The following MLXIP variants were observed in gnomAD, a reference collection of about 807,000 sequenced individuals.
MLXIP encodes the protein MLX-interacting protein.
A neutral mutation model predicts 87.2 loss-of-function variants in MLXIP; 30 were observed. The observed-to-expected ratio is 0.34, with a 90% CI of 0.26 to 0.47. The LOEUF (loss-of-function observed/expected upper bound fraction) is 0.47. MLXIP is among the 20% of genes least tolerant of loss of function. MLXIP has a pLI of 1.00. For missense variants in MLXIP, 1,002 were observed against 1,240.1 expected, an observed-to-expected ratio of 0.81 and a Z score of 2.88; for synonymous variants, 530 against 514.0, an observed-to-expected ratio of 1.03 and a Z score of -0.42.
At chr12:122,084,063 CA>C (rs1952129945) in intron 1 of MLXIP, among the ~76,000 whole-genome samples, 1 of 151,408 alleles carries the variant, frequency 6.6e-6, no homozygotes, top group South Asian at 2.1e-4. Flanking sequence ...GGCGTGGGGA[CA>C]GATAGTTATA....
At chr12:122,138,051 C>T in intron 12 of MLXIP, 143 bp from the exon 13 acceptor site, 1 of 670,430 alleles carries the variant, frequency 1.5e-6, no homozygotes, top group South Asian at 2.0e-5. Flanking sequence ...CTCATTGGAG[C>T]CTTCAGCTTC....
At chr12:122,141,220 G>A in intron 16 of MLXIP, 137 bp downstream of exon 16, 1 of 1,303,182 alleles carries the variant, frequency 7.7e-7, no homozygotes. Context: ...TGCTGTCCAG[G>A]AGGTCCTCAG....
At position 122,144,922 on chromosome 12, in the gene MLXIP, AAG is replaced by A. The variant is rs1426407905; in HGVS notation, c.*3112_*3113del. 3 of 152,246 alleles carry A rather than the reference AAG, an allele frequency of 2.0e-5. No homozygotes were observed. Among genetic ancestry groups the A allele is most frequent in the Non-Finnish European group, 2.9e-5 (2 of 68,110 alleles). The allele number at this position is 152,246 out of a possible 1,614,324, so 9.4% of individuals were successfully genotyped here. On this transcript the variant is annotated 3_prime_UTR_variant, in exon 17 of 17. Transcript: ENST00000319080. ...AGAAGAAAAAAATAGAAAATCCAAA[AAG>A]AAAAACCAGAAGGCCTGCTGGCGTA...
At chr12:122,127,996 A>C in intron 3 of MLXIP, 28 bp downstream of exon 3, 1 of 1,596,128 alleles carries the variant, frequency 6.3e-7, no homozygotes, top group Non-Finnish European at 8.6e-7. Context: ...AGGGTGGCTG[A>C]GAGTGGAAAC....
At chr12:122,109,042 C>T (rs933733371) in intron 1 of MLXIP, among the ~76,000 whole-genome samples, 1 of 152,230 alleles carries the variant, frequency 6.6e-6, no homozygotes, top group African/African-American at 2.4e-5. Flanking sequence ...AAGTGATTCT[C>T]CTGCCTCAGC....
At chr12:122,119,251 A>C (rs563919972) in intron 1 of MLXIP, among the ~76,000 whole-genome samples, 1 of 152,338 alleles carries the variant, frequency 6.6e-6, no homozygotes, top group South Asian at 2.1e-4. Flanking sequence ...CATACCATAT[A>C]TCTTGTACCT....
Position 122,138,573 on chromosome 12 carries a change from C to T in MLXIP, c.2384+22C>T, listed in dbSNP as rs773399343. On this transcript the variant is annotated intron_variant, in intron 14 of 16. Transcript: ENST00000319080. ...TCATGTGAGCTTCTGGGCCTTGGGGCTCCAACCAGGCACCCCATCCCGATG... is the reference window on the plus strand; with the variant it reads ...TCATGTGAGCTTCTGGGCCTTGGGGTTCCAACCAGGCACCCCATCCCGATG... The T allele has an allele frequency of 8.7e-6, 14 of 1,600,462 alleles. No individual in the cohort carries two copies. The Admixed American group carries it at 2.4e-4, about 28-fold the overall frequency.
Position 122,087,131 on chromosome 12 carries a change from G to A in MLXIP, c.413+7865G>A, listed in dbSNP as rs529518213. 3.9e-5 allele frequency among the ~76,000 whole-genome samples: 6 copies of A among 152,264 alleles called. No individual in the cohort carries two copies. The East Asian group carries it at 1.2e-3, about 29-fold the overall frequency. ...TAATTGAGAGGGAGCCTGGCTGGCC[G>A]GGCCCCAGAGCATGAGGCTGGCTAT... is the stretch of plus-strand genomic sequence containing the variant. On this transcript the variant is annotated intron_variant, in intron 1 of 16. Transcript: ENST00000319080.
intron 1 of MLXIP, among the ~76,000 whole-genome samples, chr12:122,079,702 G>A (rs1952063811): frequency 6.6e-6 from 1 of 152,222 alleles, no homozygotes; most frequent in Non-Finnish European, 1.5e-5. Flanking sequence ...GTAACACCTC[G>A]GAGCCTGTTT....
chr12:122,118,430 C>T (rs975793798), intron 1 of MLXIP, among the ~76,000 whole-genome samples: 18 of 152,234 alleles, frequency 1.2e-4, no homozygotes, highest in Admixed American at 3.9e-4. Flanking sequence ...CCTTGCTTCT[C>T]CAGCTCATCT....
rs781551223 is a variant in MLXIP at position 122,134,097 on chromosome 12, G to A, written c.1732+110G>A. 3.1e-5 allele frequency: 39 copies of A among 1,271,142 alleles called. No individual in the cohort carries two copies. In the South Asian group the frequency reaches 4.6e-4, roughly 15 times the overall value. 78.7% of individuals were successfully genotyped at this position (1,271,142 alleles called of 1,614,324 possible). On this transcript the variant is annotated intron_variant, in intron 9 of 16. Coordinates refer to ENST00000319080, the MANE Select transcript of MLXIP (RefSeq NM_014938.6). ...CCACCACCACCACCCTGGTGTGCACGTGCATGCGCACACACATACACTTAA... is the reference window on the plus strand; with the variant it reads ...CCACCACCACCACCCTGGTGTGCACATGCATGCGCACACACATACACTTAA...
chr12:122,141,650 G>T (rs773848461), intron 16 of MLXIP, 41 bp from the exon 17 acceptor site: 2 of 1,607,634 alleles, frequency 1.2e-6, no homozygotes, highest in Admixed American at 1.7e-5. Context: ...TGTGTGGTGG[G>T]TCTGTGTCAC....
rs536237194 is a variant in MLXIP at position 122,135,280 on chromosome 12, G to A, written c.1789G>A (p.Glu597Lys). The A allele has an allele frequency of 1.7e-5, 28 of 1,613,690 alleles. No homozygotes were observed. The East Asian group carries it at 5.1e-4, about 30-fold the overall frequency. ...CATGACGTCAGGGCCTCTGAAGAGA[G>A]AAGGGATGTTGGCCTCCACCGTGTC... is the stretch of plus-strand genomic sequence containing the variant. ...VIMTSGPLKREGMLASTVSQS... is the reference protein window; with the variant it reads ...VIMTSGPLKRKGMLASTVSQS... Residue 597 changes from glutamate (E) to lysine (K), a missense_variant, in exon 10 of 17, where the codon GAA (glutamate) becomes AAA (lysine). Coordinates refer to ENST00000319080, the MANE Select transcript of MLXIP (RefSeq NM_014938.6). This position sits in a 1 kb window ranked among gnomAD's most constrained non-coding sequence, Gnocchi z 5.3.
At chr12:122,117,624 T>C (rs556286904) in intron 1 of MLXIP, among the ~76,000 whole-genome samples, 1 of 152,368 alleles carries the variant, frequency 6.6e-6, no homozygotes, top group South Asian at 2.1e-4. Context: ...CGCAATTAAC[T>C]AGAAGCCCTA....
In MLXIP at chr12:122,130,054, C is replaced by G. The variant is rs755581603; in HGVS notation, c.852C>G (p.Thr284=). ...TDMLMSEFSD[T]LFSTLSSHQP... ...TGCTCATGTCGGAATTCAGCGACAC[C>G]CTCTTCTCCACACTTTCTTCACACC... The change falls in exon 6 of 17, where the codon ACC becomes ACG. Residue 284 remains threonine, a synonymous_variant. Transcript: ENST00000319080. 1 of 1,613,926 alleles carries G rather than the reference C, an allele frequency of 6.2e-7. No homozygotes were observed. Among genetic ancestry groups the G allele is most frequent in the Non-Finnish European group, 8.5e-7 (1 of 1,179,870 alleles).
At chr12:122,128,092 C>T in intron 3 of MLXIP, 124 bp downstream of exon 3, 1 of 795,000 alleles carries the variant, frequency 1.3e-6, no homozygotes, top group Non-Finnish European at 2.0e-6. Flanking sequence ...TGCCCTGCGC[C>T]ATCCATGCCC....
intron 7 of MLXIP, among the ~76,000 whole-genome samples, chr12:122,132,031 C>T (rs961248891): frequency 1.4e-5 from 2 of 147,206 alleles, no homozygotes; most frequent in Non-Finnish European, 3.0e-5. Flanking sequence ...TCAAGCCATT[C>T]TCCTGCCTCA....
In MLXIP at chr12:122,135,974, G is replaced by A; in HGVS notation, c.2032+308G>A. On this transcript the variant is annotated intron_variant, in intron 11 of 16. Transcript: ENST00000319080. This position sits in a 1 kb window ranked among gnomAD's most constrained non-coding sequence, Gnocchi z 5.3. ...TGAGCTGCTGATCTCACCCAGAGAA[G>A]GGATTGAGGAGCCCTGGGCTTCCTG... 1 of 303,890 alleles carries A rather than the reference G, an allele frequency of 3.3e-6. No individual in the cohort carries two copies. The highest frequency in any genetic ancestry group is 4.6e-5 in the Admixed American group (1 of 21,746). 18.8% of individuals were successfully genotyped at this position (303,890 alleles called of 1,614,324 possible).
rs1003717968 is a variant in MLXIP at position 122,119,207 on chromosome 12, CAAA to C, written c.414-8044_414-8042del. On this transcript the variant is annotated intron_variant, in intron 1 of 16. Coordinates refer to ENST00000319080, the MANE Select transcript of MLXIP (RefSeq NM_014938.6). ...AACAAAACAAAACAAAACAAACAAA[CAAA>C]AAAACAGAAAAAAGAAAAACAAATG... Among the ~76,000 whole-genome samples, 7 of 151,622 alleles carry C rather than the reference CAAA, an allele frequency of 4.6e-5. No homozygotes were observed. In the South Asian group the frequency reaches 1.5e-3, roughly 32 times the overall value.
Sources: allele counts gnomAD v4.1 joint callset (sites outside exome capture counted in the v4.1 genomes callset), GRCh38; gene constraint gnomAD v4.1.1; non-coding constraint Gnocchi (gnomAD v3.1); transcripts MANE v1.5; gene names NCBI Gene and HGNC (gene_info 2026-07-23, HGNC 2026-07-21).